Variants in GREB1L observed in about 807,000 individuals in gnomAD.
GREB1L encodes the protein GREB1 like retinoic acid receptor coactivator, also known as GREB1-like protein.
GREB1L carries 17 observed loss-of-function variants against 200.8 expected under a neutral mutation model. The observed-to-expected ratio is 0.08, with a 90% CI of 0.06 to 0.13. The LOEUF (loss-of-function observed/expected upper bound fraction) is 0.13, where lower values mean the gene tolerates loss of function less well. GREB1L is among the 10% of genes least tolerant of loss of function. The probability of loss-of-function intolerance (pLI) is 1.00; values close to 1 mark genes in which losing one functional copy is unlikely to be tolerated. For synonymous variants in GREB1L, 789 were observed against 893.0 expected, an observed-to-expected ratio of 0.88 and a Z score of 2.08; for missense variants, 1,657 against 2,367.7, an observed-to-expected ratio of 0.70 and a Z score of 6.23.
intron 27 of GREB1L, 108 bp from the exon 28 acceptor site, chr18:21,513,713 C>A: frequency 9.7e-7 from 1 of 1,030,356 alleles, no homozygotes; most frequent in Non-Finnish European, 1.4e-6. Flanking sequence ...CTGCATGGTT[C>A]CCATGTGAAC....
intron 1 of GREB1L, among the ~76,000 whole-genome samples, chr18:21,263,164 TTCCTG>T (rs2037915606): frequency 6.6e-6 from 1 of 152,202 alleles, no homozygotes; most frequent in Non-Finnish European, 1.5e-5. Context: ...TTTGGCTGAT[TTCCTG>T]TGCACTGCCC....
chr18:21,470,714 G>C (rs1224616606), intron 15 of GREB1L, among the ~76,000 whole-genome samples: 1 of 151,700 alleles, frequency 6.6e-6, no homozygotes, highest in Non-Finnish European at 1.5e-5. Context: ...TATATCTCAG[G>C]ATATACAATT....
intron 2 of GREB1L, among the ~76,000 whole-genome samples, chr18:21,369,782 A>G (rs545082282): frequency 1.3e-5 from 2 of 152,124 alleles, no homozygotes; most frequent in Non-Finnish European, 1.5e-5. Flanking sequence ...CCCTGTCTCT[A>G]CTAAATAAAT....
intron 11 of GREB1L, among the ~76,000 whole-genome samples, chr18:21,444,692 A>G (rs1425074017): frequency 6.6e-6 from 1 of 152,172 alleles, no homozygotes; most frequent in African/African-American, 2.4e-5. Context: ...TAGTTAAGGT[A>G]GGCAGAACCT....
intron 1 of GREB1L, among the ~76,000 whole-genome samples, chr18:21,288,518 A>G (rs1250964026): frequency 6.6e-6 from 1 of 152,216 alleles, no homozygotes; most frequent in Non-Finnish European, 1.5e-5. Flanking sequence ...TAAAAATGAA[A>G]AGGCTCCCAT....
At chr18:21,422,430 C>G (rs2032233845) in intron 7 of GREB1L, among the ~76,000 whole-genome samples, 1 of 152,164 alleles carries the variant, frequency 6.6e-6, no homozygotes, top group Non-Finnish European at 1.5e-5. Context: ...AGTCTCCTCC[C>G]AAACAGGTAA....
intron 1 of GREB1L, among the ~76,000 whole-genome samples, chr18:21,304,797 G>A (rs545260329): frequency 9.4e-4 from 143 of 152,212 alleles, no homozygotes; most frequent in African/African-American, 3.4e-3. Flanking sequence ...AATGGGAATG[G>A]AAAATGCTCA....
At chr18:21,248,556 T>C (rs988840101) in intron 1 of GREB1L, among the ~76,000 whole-genome samples, 1 of 152,204 alleles carries the variant, frequency 6.6e-6, no homozygotes, top group Non-Finnish European at 1.5e-5. Flanking sequence ...ACTTTTTAAC[T>C]TTCAGATTAC....
chr18:21,387,110 G>A (rs1012540794), intron 4 of GREB1L, among the ~76,000 whole-genome samples: 1 of 152,190 alleles, frequency 6.6e-6, no homozygotes, highest in African/African-American at 2.4e-5. Flanking sequence ...TATCGGAGTA[G>A]TGTAGGTTCC....
chr18:21,481,467 GTGTGTGTGTGTA>G (rs1279783263), intron 17 of GREB1L, among the ~76,000 whole-genome samples: 8 of 103,570 alleles, frequency 7.7e-5, no homozygotes, highest in East Asian at 6.9e-4. Flanking sequence ...GTGTGTGTGT[GTGTGTGTGTGTA>G]TATATATATA....
intron 27 of GREB1L, among the ~76,000 whole-genome samples, chr18:21,510,649 C>T (rs557793542): frequency 6.6e-6 from 1 of 152,308 alleles, no homozygotes; most frequent in South Asian, 2.1e-4. Context: ...CTTTTATGAA[C>T]ACAGGTATAC....
intron 21 of GREB1L, among the ~76,000 whole-genome samples, chr18:21,498,393 C>A (rs943920160): frequency 6.6e-6 from 1 of 152,058 alleles, no homozygotes; most frequent in African/African-American, 2.4e-5. Context: ...TCAACCCCAT[C>A]GCAACAGGCT....
intron 1 of GREB1L, among the ~76,000 whole-genome samples, chr18:21,300,810 C>T (rs958131852): frequency 5.9e-5 from 9 of 152,264 alleles, no homozygotes; most frequent in African/African-American, 1.7e-4. Context: ...ACACACCATC[C>T]GTGTGTGAGG....
intron 31 of GREB1L, among the ~76,000 whole-genome samples, chr18:21,519,389 G>A (rs1390887503): frequency 2.6e-5 from 4 of 152,142 alleles, no homozygotes; most frequent in Admixed American, 6.5e-5. Flanking sequence ...CGTGACCCCA[G>A]GAGTTCAAGG....
intron 1 of GREB1L, among the ~76,000 whole-genome samples, chr18:21,321,882 T>C (rs1194146668): frequency 6.6e-6 from 1 of 152,210 alleles, no homozygotes; most frequent in African/African-American, 2.4e-5. Context: ...AAAAGATGGA[T>C]GTTTCTTTTG....
chr18:21,455,031 A>G (rs1054188132), intron 15 of GREB1L: 3 of 162,080 alleles, frequency 1.9e-5, no homozygotes, highest in South Asian at 1.8e-4. Flanking sequence ...TCTTTAAGAA[A>G]AAAAGGTTAG....
chr18:21,499,130 G>T (rs1476914332), intron 21 of GREB1L, among the ~76,000 whole-genome samples: 1 of 152,192 alleles, frequency 6.6e-6, no homozygotes, highest in East Asian at 1.9e-4. Flanking sequence ...GGAAGGGGTT[G>T]CAGTCTGGGG....
intron 1 of GREB1L, among the ~76,000 whole-genome samples, chr18:21,340,274 G>A (rs2039248855): frequency 1.3e-5 from 2 of 151,972 alleles, no homozygotes; most frequent in African/African-American, 2.4e-5. Context: ...AAAAAAATTA[G>A]CCGGGCATGG....
chr18:21,320,243 G>C (rs2038931084), intron 1 of GREB1L, among the ~76,000 whole-genome samples: 2 of 152,002 alleles, frequency 1.3e-5, no homozygotes, highest in Non-Finnish European at 1.5e-5. Flanking sequence ...GGTAAATGAA[G>C]AATACTAACA....
Sources: allele counts gnomAD v4.1 joint callset (sites outside exome capture counted in the v4.1 genomes callset), GRCh38; gene constraint gnomAD v4.1.1; transcripts MANE v1.5; gene names NCBI Gene and HGNC (gene_info 2026-07-23, HGNC 2026-07-21).